ADGRF5: variants seen among roughly 807,000 people sequenced by gnomAD.
ADGRF5 encodes G-protein coupled receptor 116.
A neutral mutation model predicts 132.3 loss-of-function variants in ADGRF5; 75 were observed. That is an observed-to-expected ratio of 0.57 (90% CI 0.47 to 0.69). The LOEUF (loss-of-function observed/expected upper bound fraction) is 0.69. Ranked by LOEUF, ADGRF5 falls within the 30% of genes least tolerant of loss-of-function variation. The probability of loss-of-function intolerance (pLI) is 0.00; values close to 1 mark genes in which losing one functional copy is unlikely to be tolerated. For missense variants in ADGRF5, 1,516 were observed against 1,630.6 expected (o/e 0.93, Z 1.21); for synonymous variants, 629 against 597.6 (o/e 1.05, Z -0.77).
upstream of ADGRF5, among the ~76,000 whole-genome samples, chr6:46,926,307 G>A (rs1777237287): frequency 6.6e-6 from 1 of 151,932 alleles, no homozygotes; most frequent in Non-Finnish European, 1.5e-5. Flanking sequence ...TCCATTTTTT[G>A]AGCCAACTGG....
chr6:46,867,123 T>C lies in ADGRF5; in HGVS notation c.1636A>G (p.Ile546Val). The change falls in exon 13 of 21, where the codon ATA becomes GTA. Residue 546 changes from isoleucine (I) to valine (V), a missense_variant. By Grantham distance (29) the Ile-to-Val change is conservative. Coordinates refer to ENST00000283296, the MANE Select transcript of ADGRF5 (RefSeq NM_001098518.2). ...TREWNGTYHC[I>V]FRYKNSYSIA... is the part of the protein sequence containing the mutation. ...CTGTATGAATTCTTATATCTAAATA[T>C]GCAGTGATAGGTTCCTGAGTAGAAG... 1.9e-6 allele frequency: 3 copies of C among 1,604,572 alleles called. No homozygotes were observed. Among genetic ancestry groups the C allele is most frequent in the Non-Finnish European group, 2.6e-6 (3 of 1,171,474 alleles).
chr6:46,870,614 A>T (rs1031375731), intron 11 of ADGRF5, among the ~76,000 whole-genome samples: 2 of 152,320 alleles, frequency 1.3e-5, no homozygotes, highest in South Asian at 2.1e-4. Context: ...GCATCTTGAG[A>T]TGGCTCTCTA....
At chr6:46,871,656 C>T (rs930097819) in intron 11 of ADGRF5, among the ~76,000 whole-genome samples, 187 bp downstream of exon 11, 5 of 152,152 alleles carry the variant, frequency 3.3e-5, no homozygotes, top group African/African-American at 1.2e-4. Context: ...TGTTAAAAGA[C>T]TCCCTCTGAA....
intron 11 of ADGRF5, among the ~76,000 whole-genome samples, chr6:46,870,041 A>T (rs1415096624): frequency 6.6e-6 from 1 of 152,080 alleles, no homozygotes; most frequent in Non-Finnish European, 1.5e-5. Context: ...ATATCTTTAC[A>T]TGGTTGATAT....
intron 1 of ADGRF5, among the ~76,000 whole-genome samples, chr6:46,941,825 G>A (rs540142338): frequency 1.6e-4 from 25 of 152,262 alleles, no homozygotes; most frequent in Admixed American, 6.5e-4. Flanking sequence ...ATCTTCAGCC[G>A]AGATGCTTCA....
chr6:46,864,340 A>T (rs749289048), intron 14 of ADGRF5, among the ~76,000 whole-genome samples: 10 of 152,046 alleles, frequency 6.6e-5, no homozygotes, highest in Non-Finnish European at 1.2e-4. Flanking sequence ...TATTCTCGAG[A>T]TTAATTGTTT....
chr6:46,937,477 C>T lies in ADGRF5; in HGVS notation c.-25+17257G>A, dbSNP rs369941448. Among the ~76,000 whole-genome samples the T allele has an allele frequency of 3.2e-3, 493 of 152,226 alleles. 2 individuals are homozygous for T. Among genetic ancestry groups the T allele is most frequent in the Middle Eastern group, 0.02 (6 of 294 alleles). The stretch of plus-strand genomic sequence containing the variant: ...GTGTACCTCAGTCCTCCCAACCATT[C>T]GTCACCATTCTAGTTGCAAGGCAAC... On this transcript the variant is annotated intron_variant, in intron 1 of 20. Coordinates refer to the ADGRF5 transcript ENST00000265417.
intron 7 of ADGRF5, 31 bp from the exon 8 acceptor site, chr6:46,881,628 A>G: frequency 6.2e-7 from 1 of 1,602,382 alleles, no homozygotes; most frequent in East Asian, 2.2e-5. Context: ...TCAGTAAAAC[A>G]ATAACTGACC....
chr6:46,897,128 A>C (rs183251989), intron 3 of ADGRF5, among the ~76,000 whole-genome samples: 1 of 142,828 alleles, frequency 7.0e-6, no homozygotes, highest in African/African-American at 2.8e-5. Context: ...ATACACAGAC[A>C]TATGCATGCA....
chr6:46,918,132 A>G (rs377399491), intron 1 of ADGRF5, among the ~76,000 whole-genome samples: 33 of 152,252 alleles, frequency 2.2e-4, no homozygotes, highest in African/African-American at 8.0e-4. Context: ...TTTAACCATC[A>G]TGACCAGAGT....
chr6:46,946,233 A>G (rs905066940), intron 1 of ADGRF5, among the ~76,000 whole-genome samples: 1 of 152,092 alleles, frequency 6.6e-6, no homozygotes, highest in Non-Finnish European at 1.5e-5. Flanking sequence ...GCAGCCAGAG[A>G]AGAAGGAGGG....
At chr6:46,922,316 G>T (rs1479617817), upstream of ADGRF5, among the ~76,000 whole-genome samples, 1 of 152,174 alleles carries the variant, frequency 6.6e-6, no homozygotes, top group East Asian at 1.9e-4. Flanking sequence ...GAGAAAAAAA[G>T]AATCCGCAGA....
rs189356847 is a variant in ADGRF5 at position 46,953,687 on chromosome 6, A to C, written c.-25+1047T>G. ...TATATATATATATATATATATATATATATCTCACTGACAGTGGCATTATTA... is the reference window on the plus strand; with the variant it reads ...TATATATATATATATATATATATATCTATCTCACTGACAGTGGCATTATTA... On this transcript the variant is annotated intron_variant, in intron 1 of 20. Coordinates refer to the ADGRF5 transcript ENST00000265417. Among the ~76,000 whole-genome samples the C allele has an allele frequency of 7.9e-4, 103 of 130,244 alleles. 1 individual carries two copies. The highest frequency in any genetic ancestry group is 1.1e-3 in the East Asian group (5 of 4,522). The allele number at this position is 130,244 out of a possible 152,430, so 85.4% of individuals were successfully genotyped here.
chr6:46,877,116 T>G (rs959439606), intron 10 of ADGRF5, among the ~76,000 whole-genome samples: 13 of 152,252 alleles, frequency 8.5e-5, no homozygotes, highest in Non-Finnish European at 1.5e-5. Context: ...AAACTCTGCC[T>G]GACTAGCTCA....
At chr6:46,929,946 G>A (rs1449430421) in intron 1 of ADGRF5, among the ~76,000 whole-genome samples, 1 of 152,092 alleles carries the variant, frequency 6.6e-6, no homozygotes, top group Admixed American at 6.5e-5. Flanking sequence ...TCAGCCTACC[G>A]AGTAGCTGGG....
chr6:46,898,930 C>T (rs1774459619), intron 3 of ADGRF5, among the ~76,000 whole-genome samples: 1 of 152,234 alleles, frequency 6.6e-6, no homozygotes, highest in African/African-American at 2.4e-5. Flanking sequence ...AGTGCTTCAT[C>T]TATTCGCTCA....
At chr6:46,950,186 T>C (rs1362053675) in intron 1 of ADGRF5, among the ~76,000 whole-genome samples, 2 of 152,156 alleles carry the variant, frequency 1.3e-5, no homozygotes, top group African/African-American at 4.8e-5. Context: ...TCTTCCAGGG[T>C]GCTGGAACAT....
intron 15 of ADGRF5, 115 bp downstream of exon 15, chr6:46,862,773 G>A: frequency 3.5e-6 from 1 of 286,150 alleles, no homozygotes; most frequent in Non-Finnish European, 6.7e-6. Flanking sequence ...ACAAATAAAA[G>A]TAGTTTTGGA....
chr6:46,939,639 G>A (rs1777978828), intron 1 of ADGRF5, among the ~76,000 whole-genome samples: 1 of 152,078 alleles, frequency 6.6e-6, no homozygotes, highest in African/African-American at 2.4e-5. Flanking sequence ...AAATTCAAAA[G>A]TGACTTTCAC....
Sources: gnomAD v4.1 joint callset for allele counts (sites outside exome capture counted in the v4.1 genomes callset) on GRCh38, gnomAD v4.1.1 for gene constraint, MANE v1.5 for transcripts, NCBI Gene and HGNC (gene_info 2026-07-23, HGNC 2026-07-21) for gene names.